The following LLGL2 variants were observed in gnomAD, a reference collection of about 807,000 sequenced individuals.
LLGL2 encodes the protein LLGL2, scribble cell polarity complex component.
LLGL2 carries 81 observed loss-of-function variants against 123.2 expected under a neutral mutation model. The ratio of observed to expected loss-of-function variants is 0.66; its 90% CI spans 0.55 to 0.79. LLGL2 has a LOEUF of 0.79. Ranked by LOEUF, LLGL2 falls within the 30% of genes least tolerant of loss-of-function variation. The probability of loss-of-function intolerance (pLI) is 0.00; values close to 1 mark genes in which losing one functional copy is unlikely to be tolerated. For synonymous variants in LLGL2, 577 were observed against 594.1 expected (o/e 0.97, Z 0.42); for missense variants, 1,273 against 1,414.6 (o/e 0.90, Z 1.61).
At chr17:75,548,610 G>A (rs1241103522) in intron 2 of LLGL2, among the ~76,000 whole-genome samples, 1 of 151,866 alleles carries the variant, frequency 6.6e-6, no homozygotes, top group Non-Finnish European at 1.5e-5. Flanking sequence ...GATCAGCCTA[G>A]CCGGGCATGG....
In LLGL2 at chr17:75,549,932, G is replaced by A. The variant is rs574754081; in HGVS notation, c.76-6114G>A. 6.6e-6 allele frequency among the ~76,000 whole-genome samples: 1 copy of A among 152,228 alleles called. No homozygotes were observed. The highest frequency in any genetic ancestry group is 2.4e-5 in the African/African-American group (1 of 41,458). The stretch of plus-strand genomic sequence containing the variant: ...TACTCCAGGCTAACGTTGCAGTCTG[G>A]CGGCTTCTGCAAATCTTTGCTCTCC... On this transcript the variant is annotated intron_variant, in intron 2 of 25. Transcript: ENST00000392550. The surrounding 1 kb of genome is among the most constrained non-coding windows in gnomAD (Gnocchi z 4.0).
chr17:75,566,921 G>A (rs2055467492), intron 10 of LLGL2, among the ~76,000 whole-genome samples: 1 of 152,184 alleles, frequency 6.6e-6, no homozygotes, highest in Admixed American at 6.5e-5. Flanking sequence ...TCCATTTGGA[G>A]TCATCCACGC....
intron 1 of LLGL2, among the ~76,000 whole-genome samples, chr17:75,532,053 T>TACACACACAC (rs750743324): frequency 0.01 from 732 of 70,296 alleles, 11 homozygotes; most frequent in African/African-American, 0.027. Context: ...TATATGTATA[T>TACACACACAC]ATACACACAC....
intron 19 of LLGL2, 57 bp from the exon 20 acceptor site, chr17:75,572,957 C>T: frequency 6.5e-7 from 1 of 1,543,000 alleles, no homozygotes; most frequent in Non-Finnish European, 8.8e-7. Flanking sequence ...GCAGCAGCAG[C>T]ACAGGGCAGG....
chr17:75,573,305 CG>C, intron 20 of LLGL2, 27 bp downstream of exon 20: 1 of 1,577,812 alleles, frequency 6.3e-7, no homozygotes, highest in Non-Finnish European at 8.6e-7. Flanking sequence ...GGGTGGGTGT[CG>C]GGGCCCCGGG....
In LLGL2 at chr17:75,559,220, G is replaced by A. The variant is rs1341167100; in HGVS notation, c.372-32G>A. ...CATGGCATCTCCCCTGCTGGGCAGT[G>A]GTCGGCTCACGGGCAGCTGTTCTTG... On this transcript the variant is annotated intron_variant, in intron 5 of 25. Coordinates refer to ENST00000392550, the MANE Select transcript of LLGL2 (RefSeq NM_001031803.2). The surrounding 1 kb of genome is among the most constrained non-coding windows in gnomAD (Gnocchi z 4.6). 72 of 1,558,348 alleles carry A rather than the reference G, an allele frequency of 4.6e-5. 1 individual carries two copies. In the Admixed American group the frequency reaches 8.5e-4, roughly 18 times the overall value.
intron 6 of LLGL2, among the ~76,000 whole-genome samples, chr17:75,560,541 C>T (rs2055154492): frequency 6.6e-6 from 1 of 152,032 alleles, no homozygotes; most frequent in Non-Finnish European, 1.5e-5. Flanking sequence ...GGCTAGAGTG[C>T]AATGGCACGA....
intron 2 of LLGL2, among the ~76,000 whole-genome samples, chr17:75,553,842 T>A (rs527336812): frequency 2.9e-4 from 44 of 152,292 alleles, no homozygotes; most frequent in South Asian, 2.7e-3. Flanking sequence ...CCCTGGGACA[T>A]CTGCCCCAGG....
rs1261090807 is a variant in LLGL2 at position 75,558,901 on chromosome 17, ACCACGC to A, written c.371+276_371+281del. 4 of 238,204 alleles carry A rather than the reference ACCACGC, an allele frequency of 1.7e-5. No individual in the cohort carries two copies. Among genetic ancestry groups the A allele is most frequent in the African/African-American group, 4.1e-5 (1 of 24,216 alleles). The allele number at this position is 238,204 out of a possible 1,614,324, so 14.8% of individuals were successfully genotyped here. On this transcript the variant is annotated intron_variant, in intron 5 of 25. Transcript: ENST00000392550. This position sits in a 1 kb window ranked among gnomAD's most constrained non-coding sequence, Gnocchi z 4.0. ...TCCGCACCCCACCTCCTCCATCCAC[ACCACGC>A]CTCCTCCATCCGCACCCCACCTCCT...
At chr17:75,534,981 T>G (rs1472241610) in intron 1 of LLGL2, among the ~76,000 whole-genome samples, 2 of 152,220 alleles carry the variant, frequency 1.3e-5, no homozygotes, top group Admixed American at 1.3e-4. Flanking sequence ...CTCTGGTTTG[T>G]GTTCCCCTAG....
intron 10 of LLGL2, among the ~76,000 whole-genome samples, chr17:75,566,693 C>G (rs1041744408): frequency 6.6e-6 from 1 of 152,090 alleles, no homozygotes; most frequent in African/African-American, 2.4e-5. Context: ...GAGAGGTAAA[C>G]GAGGGGAGGA....
In LLGL2 at chr17:75,563,022, A is replaced by G. The variant is rs760153694; in HGVS notation, c.537A>G (p.Pro179=). Residue 179 remains proline (P), a synonymous_variant, in exon 7 of 26, where the codon CCA becomes CCG. Transcript: ENST00000392550. ...CGGCACTCCCCTCGCCCAGGTTGCC[A>G]GAGGAGGCCCGCCACCGGCGTGTGT... is the stretch of plus-strand genomic sequence containing the variant. ...ISSDAVLQRL[P]EEARHRRVFE... The G allele has an allele frequency of 1.2e-6, 2 of 1,612,098 alleles. No individual in the cohort carries two copies. The highest frequency in any genetic ancestry group is 1.7e-6 in the Non-Finnish European group (2 of 1,179,996).
chr17:75,568,845 G>T lies in LLGL2; in HGVS notation c.1322+6G>T, dbSNP rs766556762. The stretch of plus-strand genomic sequence containing the variant: ...AGGGACCTGCTGCTCACAGGGTAGG[G>T]TACTTTGATGCTACCCCACCTCTTC... On this transcript the variant is annotated splice_donor_region_variant and intron_variant, in intron 12 of 25. Transcript: ENST00000392550. 7.0e-6 allele frequency: 11 copies of T among 1,573,944 alleles called. No homozygotes were observed. The Admixed American group carries it at 1.9e-4, about 28-fold the overall frequency.
intron 6 of LLGL2, among the ~76,000 whole-genome samples, chr17:75,560,802 T>TAAAAAAAAA (rs372940306): frequency 1.5e-4 from 14 of 96,118 alleles, no homozygotes; most frequent in Non-Finnish European, 2.8e-4. Context: ...GTTTATTTAT[T>TAAAAAAAAA]AAAAAAAAAA....
chr17:75,535,342 T>C (rs568487332), intron 1 of LLGL2, among the ~76,000 whole-genome samples: 1 of 152,312 alleles, frequency 6.6e-6, no homozygotes. Flanking sequence ...GAGGAGAGCA[T>C]GGGACATCAG....
In LLGL2 at chr17:75,558,038, G is replaced by C; in HGVS notation, c.174-117G>C. 3.0e-6 allele frequency: 3 copies of C among 985,968 alleles called. No homozygotes were observed. In the South Asian group the frequency reaches 3.8e-5, roughly 13 times the overall value. The allele number at this position is 985,968 out of a possible 1,614,324, so 61.1% of individuals were successfully genotyped here. On this transcript the variant is annotated intron_variant, in intron 3 of 25. Coordinates refer to ENST00000392550, the MANE Select transcript of LLGL2 (RefSeq NM_001031803.2). This position sits in a 1 kb window ranked among gnomAD's most constrained non-coding sequence, Gnocchi z 4.0. ...CCATGCATGGGTCCTGCTGCCTCGG[G>C]GGAGGGCAGCCCCTCTCTGTGTTTG...
chr17:75,540,983 A>G (rs1395638716), intron 1 of LLGL2, among the ~76,000 whole-genome samples: 2 of 152,274 alleles, frequency 1.3e-5, no homozygotes, highest in African/African-American at 2.4e-5. Context: ...AGATTACTTG[A>G]GCAAAATGTT....
At chr17:75,551,368 A>C (rs896827386) in intron 2 of LLGL2, among the ~76,000 whole-genome samples, 1 of 151,880 alleles carries the variant, frequency 6.6e-6, no homozygotes, top group Non-Finnish European at 1.5e-5. Flanking sequence ...AATGAAGCTC[A>C]GGGAGGCCCA....
chr17:75,549,678 C>G lies in LLGL2; in HGVS notation c.75+6177C>G, dbSNP rs981832548. On this transcript the variant is annotated intron_variant, in intron 2 of 25. Coordinates refer to ENST00000392550, the MANE Select transcript of LLGL2 (RefSeq NM_001031803.2). The surrounding 1 kb of genome is among the most constrained non-coding windows in gnomAD (Gnocchi z 4.0). ...GGCCCGGCCAGGCAGGAGTGCTCCCCCAAGGTGCTGGGCAGCCTCTGAGGG... is the reference window on the plus strand; with the variant it reads ...GGCCCGGCCAGGCAGGAGTGCTCCCGCAAGGTGCTGGGCAGCCTCTGAGGG... Among the ~76,000 whole-genome samples, 10 of 152,222 alleles carry G rather than the reference C, an allele frequency of 6.6e-5. No individual in the cohort carries two copies. The highest frequency in any genetic ancestry group is 1.3e-4 in the Non-Finnish European group (9 of 68,022).
Sources: gnomAD v4.1 joint callset for allele counts (sites outside exome capture counted in the v4.1 genomes callset) on GRCh38, gnomAD v4.1.1 for gene constraint, Gnocchi (gnomAD v3.1) non-coding constraint, MANE v1.5 for transcripts, NCBI Gene and HGNC (gene_info 2026-07-23, HGNC 2026-07-21) for gene names.